The following LY75 variants were observed in gnomAD, a reference collection of about 807,000 sequenced individuals.
LY75 encodes the protein lymphocyte antigen 75, also known as C-type lectin domain family 13 member B.
LY75 carries 185 observed loss-of-function variants against 231.7 expected under a neutral mutation model. The observed-to-expected ratio is 0.80, with a 90% CI of 0.71 to 0.90. The LOEUF is 0.90. LY75 is among the 40% of genes least tolerant of loss of function. The probability of loss-of-function intolerance (pLI) is 0.00; values close to 1 mark genes in which losing one functional copy is unlikely to be tolerated. For synonymous variants in LY75, 668 were observed against 689.0 expected, an observed-to-expected ratio of 0.97 and a Z score of 0.48; for missense variants, 1,947 against 2,050.2, an observed-to-expected ratio of 0.95 and a Z score of 0.97.
chr2:159,846,465 T>C (rs1029017951), intron 23 of LY75, among the ~76,000 whole-genome samples: 52 of 152,002 alleles, frequency 3.4e-4, no homozygotes, highest in Non-Finnish European at 1.5e-5. Context: ...TTATAGTAAG[T>C]TATGAATGCA....
At position 159,853,683 on chromosome 2, in the gene LY75, T is replaced by C. The variant is rs143838316; in HGVS notation, c.2610A>G (p.Gly870=). The change falls in exon 19 of 35, where the codon GGA becomes GGG. Residue 870 remains glycine, a synonymous_variant. Coordinates refer to ENST00000263636, the MANE Select transcript of LY75 (RefSeq NM_002349.4). ...CGCTAATTCTTATCCACCACTTCTG[T>C]CCATCACCAGATATCTGAAAAACAA... The part of the protein sequence containing the change: ...KNKIANISGD[G]QKWWIRISEW... 1.2e-6 allele frequency: 2 copies of C among 1,613,426 alleles called. No individual in the cohort carries two copies. The highest frequency in any genetic ancestry group is 1.7e-6 in the Non-Finnish European group (2 of 1,179,824).
intron 11 of LY75, among the ~76,000 whole-genome samples, chr2:159,877,177 T>C (rs1392195989): frequency 1.3e-5 from 2 of 152,200 alleles, no homozygotes; most frequent in African/African-American, 4.8e-5. Context: ...ACATCACTCA[T>C]GTTGATGGTG....
At chr2:159,834,820 C>T (rs376843255) in intron 26 of LY75, among the ~76,000 whole-genome samples, 11 of 152,266 alleles carry the variant, frequency 7.2e-5, no homozygotes, top group South Asian at 4.2e-4. Flanking sequence ...TGGCAGAGAT[C>T]ACTCAGTATC....
chr2:159,898,076 A>AG (rs1685951927), intron 2 of LY75, among the ~76,000 whole-genome samples: 1 of 152,168 alleles, frequency 6.6e-6, no homozygotes, highest in Non-Finnish European at 1.5e-5. Flanking sequence ...TCCGTAGGCA[A>AG]GAAAAAATAT....
chr2:159,850,791 T>TATATATAA lies in LY75; in HGVS notation c.2884-325_2884-324insTTATATAT, dbSNP rs1553805730. Among the ~76,000 whole-genome samples, 69 of 94,472 alleles carry TATATATAA rather than the reference T, an allele frequency of 7.3e-4. 7 individuals are homozygous for TATATATAA. Among genetic ancestry groups the TATATATAA allele is most frequent in the African/African-American group, 1.8e-3 (46 of 25,144 alleles). The allele number at this position is 94,472 out of a possible 152,430, so 62.0% of individuals were successfully genotyped here. On this transcript the variant is annotated intron_variant, in intron 21 of 34. Transcript: ENST00000263636. ...AAACTTTCATATATATATATATATA[T>TATATATAA]ATATATATTATATCTTATATATAAG...
At position 159,850,160 on chromosome 2, in the gene LY75, A is replaced by T; in HGVS notation, c.2990-20T>A. 1.3e-6 allele frequency: 2 copies of T among 1,586,760 alleles called. No homozygotes were observed. Among genetic ancestry groups the T allele is most frequent in the South Asian group, 1.2e-5 (1 of 85,762 alleles). ...TAAAGTCTGTTAGAAAGAGATTTTT[A>T]AAAAGCATTTGATTTATTCAAATTA... On this transcript the variant is annotated intron_variant, in intron 22 of 34. Transcript: ENST00000263636.
At chr2:159,882,024 G>C in intron 7 of LY75, 100 bp downstream of exon 7, 2 of 1,379,366 alleles carry the variant, frequency 1.4e-6, no homozygotes, top group Non-Finnish European at 2.0e-6. Context: ...GCTGATCTGT[G>C]GGATCAAACT....
At chr2:159,882,046 A>C in intron 7 of LY75, 78 bp downstream of exon 7, 2 of 1,495,146 alleles carry the variant, frequency 1.3e-6, no homozygotes, top group Non-Finnish European at 1.8e-6. Context: ...TAAGCTTTTC[A>C]TTCCCACAAA....
intron 15 of LY75, 56 bp from the exon 16 acceptor site, chr2:159,858,532 C>A: frequency 6.5e-7 from 1 of 1,544,130 alleles, no homozygotes; most frequent in Non-Finnish European, 8.7e-7. Context: ...CCTTATGGAA[C>A]ACTAAACTGT....
chr2:159,829,619 G>C (rs1683585040), intron 28 of LY75, among the ~76,000 whole-genome samples: 1 of 148,922 alleles, frequency 6.7e-6, no homozygotes, highest in Non-Finnish European at 1.5e-5. Flanking sequence ...TTTAAAAACA[G>C]AATTCCTTGT....
chr2:159,903,535 A>G (rs1686141849), intron 1 of LY75: 1 of 152,266 alleles, frequency 6.6e-6, no homozygotes, highest in East Asian at 1.9e-4. Context: ...GGATGATGCC[A>G]TTCACACTCT....
intron 1 of LY75, among the ~76,000 whole-genome samples, chr2:159,900,378 C>T (rs1367751723): frequency 6.6e-6 from 1 of 152,188 alleles, no homozygotes; most frequent in Non-Finnish European, 1.5e-5. Context: ...AAATTTTAAA[C>T]AATTACAGCA....
At chr2:159,897,859 A>G (rs1211963545) in intron 2 of LY75, among the ~76,000 whole-genome samples, 1 of 152,254 alleles carries the variant, frequency 6.6e-6, no homozygotes, top group African/African-American at 2.4e-5. Context: ...TAACTTAGAA[A>G]TTAGTTGCAA....
chr2:159,872,809 G>T (rs1419235416), intron 12 of LY75, among the ~76,000 whole-genome samples: 1 of 152,138 alleles, frequency 6.6e-6, no homozygotes, highest in Non-Finnish European at 1.5e-5. Flanking sequence ...CTTGTGGTCA[G>T]ATGGATGGCC....
chr2:159,847,797 TTA>T (rs1279314977), intron 23 of LY75, among the ~76,000 whole-genome samples: 1 of 152,162 alleles, frequency 6.6e-6, no homozygotes, highest in East Asian at 1.9e-4. Context: ...AATCAGAGCT[TTA>T]TATTACCTAT....
intron 2 of LY75, among the ~76,000 whole-genome samples, chr2:159,894,848 T>C (rs1235564365): frequency 1.3e-5 from 2 of 152,224 alleles, no homozygotes; most frequent in African/African-American, 4.8e-5. Context: ...ACCTCAAATA[T>C]GCCTGGAAAT....
chr2:159,854,823 G>A (rs1649304501), intron 17 of LY75, 81 bp downstream of exon 17: 1 of 1,558,946 alleles, frequency 6.4e-7, no homozygotes. Context: ...TAGAGAAGAA[G>A]CTGGCACTTA....
rs139165677 is a variant in LY75, at chr2:159,878,071, G to T, written c.1774+253C>A. ...GAAAAGATTTTAAAAACTCACACTGGTGCTTCTAGCTCTGAGCCATTAGAT... is the reference window on the plus strand; with the variant it reads ...GAAAAGATTTTAAAAACTCACACTGTTGCTTCTAGCTCTGAGCCATTAGAT... On this transcript the variant is annotated intron_variant, in intron 11 of 34. Coordinates refer to ENST00000263636, the MANE Select transcript of LY75 (RefSeq NM_002349.4). 6.6e-3 allele frequency among the ~76,000 whole-genome samples: 1,008 copies of T among 152,238 alleles called. 6 individuals carry two copies. Among genetic ancestry groups the T allele is most frequent in the Middle Eastern group, 0.02 (6 of 294 alleles).
At chr2:159,833,325 C>T (rs1683723630) in intron 27 of LY75, among the ~76,000 whole-genome samples, 1 of 152,074 alleles carries the variant, frequency 6.6e-6, no homozygotes, top group Non-Finnish European at 1.5e-5. Context: ...CTATGTTGCC[C>T]AGGCTGGTCT....
Sources: gnomAD v4.1 joint callset for allele counts (sites outside exome capture counted in the v4.1 genomes callset) on GRCh38, gnomAD v4.1.1 for gene constraint, MANE v1.5 for transcripts, NCBI Gene and HGNC (gene_info 2026-07-23, HGNC 2026-07-21) for gene names.